LMTK2: variants seen among roughly 807,000 people sequenced by gnomAD.
LMTK2 encodes the protein serine/threonine-protein kinase LMTK2.
Under a neutral mutation model 127.5 loss-of-function variants are expected in LMTK2, and 37 were observed. That is an observed-to-expected ratio of 0.29 (90% CI 0.22 to 0.38). The LOEUF (loss-of-function observed/expected upper bound fraction) is 0.38. LMTK2 is among the 10% of genes least tolerant of loss of function. The probability of loss-of-function intolerance (pLI) is 1.00; values close to 1 mark genes in which losing one functional copy is unlikely to be tolerated. For missense variants in LMTK2, 1,694 were observed against 1,920.3 expected, an observed-to-expected ratio of 0.88 and a Z score of 2.20; for synonymous variants, 819 against 810.1, an observed-to-expected ratio of 1.01 and a Z score of -0.19.
At chr7:98,154,026 G>T (rs1431006400) in intron 4 of LMTK2, among the ~76,000 whole-genome samples, 1 of 152,154 alleles carries the variant, frequency 6.6e-6, no homozygotes, top group Non-Finnish European at 1.5e-5. Flanking sequence ...TTTAAAAGAA[G>T]TATTTTTATT....
intron 5 of LMTK2, among the ~76,000 whole-genome samples, chr7:98,157,640 T>TAAAA (rs34715220): frequency 1.2e-4 from 14 of 114,374 alleles, no homozygotes; most frequent in African/African-American, 1.7e-4. Flanking sequence ...GCTCCCACAT[T>TAAAA]AAAAAAAAAA....
At chr7:98,149,576 A>C (rs934800307) in intron 3 of LMTK2, among the ~76,000 whole-genome samples, 14 of 152,234 alleles carry the variant, frequency 9.2e-5, no homozygotes, top group Non-Finnish European at 1.8e-4. Context: ...ATTGGCAAAC[A>C]AATGAACTTT....
rs759325634 is a variant in LMTK2, at chr7:98,192,945, G to A, written c.2480G>A (p.Arg827His). The A allele has an allele frequency of 7.1e-5, 114 of 1,614,054 alleles. No homozygotes were observed. Among genetic ancestry groups the A allele is most frequent in the Admixed American group, 1.2e-4 (7 of 60,022 alleles). ...TCCTTCGAAACAGAAGAAACGCCCC[G>A]TCGGGTACCCCCAGACTCACTCCCA... ...PTSFETEETP[R>H]RVPPDSLPTQ... is the part of the protein sequence containing the mutation. Residue 827 changes from arginine (R) to histidine (H), a missense_variant, in exon 11 of 14, where the codon CGT (arginine) becomes CAT (histidine). Transcript: ENST00000297293.
At chr7:98,177,546 A>G (rs1797295274) in intron 7 of LMTK2, among the ~76,000 whole-genome samples, 1 of 152,082 alleles carries the variant, frequency 6.6e-6, no homozygotes, top group African/African-American at 2.4e-5. Flanking sequence ...CCCAGGCTTG[A>G]GTGAGTGCAG....
chr7:98,175,623 G>A (rs1196217320), intron 7 of LMTK2, among the ~76,000 whole-genome samples: 1 of 152,240 alleles, frequency 6.6e-6, no homozygotes, highest in African/African-American at 2.4e-5. Flanking sequence ...TATATGGTGG[G>A]TGTCCATGAA....
Position 98,192,076 on chromosome 7 carries a change from T to A in LMTK2, c.1611T>A (p.Val537=), listed in dbSNP as rs1236741700. The A allele has an allele frequency of 1.3e-6, 2 of 1,575,378 alleles. No homozygotes were observed. The change falls in exon 11 of 14, where the codon GTT becomes GTA. Residue 537 remains valine, a synonymous_variant. Coordinates refer to ENST00000297293, the MANE Select transcript of LMTK2 (RefSeq NM_014916.4). ...QDVPLRVPGV[V]PVFDAHNLSV... is the part of the protein sequence containing the mutation. ...TCCCCCTGAGGGTCCCTGGAGTGGT[T>A]CCTGTTTTTGATGCCCACAACCTTT...
intron 6 of LMTK2, among the ~76,000 whole-genome samples, chr7:98,163,896 C>T (rs926126257): frequency 1.3e-5 from 2 of 152,204 alleles, no homozygotes; most frequent in African/African-American, 4.8e-5. Flanking sequence ...GCTGTGGCCA[C>T]GGTGAAGGAC....
At chr7:98,164,215 G>A (rs1307117340) in intron 6 of LMTK2, among the ~76,000 whole-genome samples, 1 of 152,162 alleles carries the variant, frequency 6.6e-6, no homozygotes, top group African/African-American at 2.4e-5. Flanking sequence ...ATGACTGTAG[G>A]GTGTTTTATA....
chr7:98,190,988 C>G (rs934029559), intron 10 of LMTK2, 111 bp downstream of exon 10: 108 of 1,027,136 alleles, frequency 1.1e-4, no homozygotes, highest in Admixed American at 3.1e-4. Context: ...CCTCTTTCAC[C>G]ATGATGTCAC....
At position 98,194,243 on chromosome 7, in the gene LMTK2, G is replaced by A; in HGVS notation, c.3778G>A (p.Asp1260Asn). Residue 1260 changes from aspartate to asparagine, a missense_variant, in exon 11 of 14, where the codon GAC becomes AAC. Transcript: ENST00000297293. The surrounding 1 kb of genome is among the most constrained non-coding windows in gnomAD (Gnocchi z 5.4). The stretch of plus-strand genomic sequence containing the variant: ...CGAGGGCCCGAAGTTGAAGGAGCCG[G>A]ACATCGAAGGGAAGTACCTGGGGAA... ...HSEGPKLKEPDIEGKYLGKLG... is the reference protein window; with the variant it reads ...HSEGPKLKEPNIEGKYLGKLG... 1.2e-6 allele frequency: 2 copies of A among 1,614,162 alleles called. No homozygotes were observed. Among genetic ancestry groups the A allele is most frequent in the Non-Finnish European group, 1.7e-6 (2 of 1,180,034 alleles).
At chr7:98,143,380 A>G (rs1488782777) in intron 3 of LMTK2, among the ~76,000 whole-genome samples, 1 of 152,222 alleles carries the variant, frequency 6.6e-6, no homozygotes, top group Non-Finnish European at 1.5e-5. Context: ...AAAAGACACC[A>G]CACACAAATT....
rs935359078 is a variant in LMTK2 at position 98,171,466 on chromosome 7, C to T, written c.658-75C>T. 3.8e-6 allele frequency: 6 copies of T among 1,577,744 alleles called. No homozygotes were observed. The African/African-American group carries it at 6.7e-5, about 18-fold the overall frequency. ...ATAAATAATCTTAACAGTTAGTGTT[C>T]ACCGAGGCACGTATTTAAGCGCTCA... On this transcript the variant is annotated intron_variant, in intron 6 of 13. Transcript: ENST00000297293. The surrounding 1 kb of genome is among the most constrained non-coding windows in gnomAD (Gnocchi z 5.1).
At chr7:98,135,004 T>C (rs1796578587) in intron 1 of LMTK2, among the ~76,000 whole-genome samples, 1 of 152,230 alleles carries the variant, frequency 6.6e-6, no homozygotes, top group Non-Finnish European at 1.5e-5. Flanking sequence ...TTAACTGTAT[T>C]ATTCTTAAGC....
chr7:98,204,299 T>C (rs2116486505), intron 13 of LMTK2, 113 bp downstream of exon 13: 3 of 1,372,738 alleles, frequency 2.2e-6, no homozygotes, highest in Non-Finnish European at 2.0e-6. Flanking sequence ...TCACATTTGC[T>C]GAGTAGATTA....
At chr7:98,204,207 G>A in intron 13 of LMTK2, 21 bp downstream of exon 13, 1 of 1,568,994 alleles carries the variant, frequency 6.4e-7, no homozygotes, top group Non-Finnish European at 8.7e-7. Flanking sequence ...CTGCGTGCTG[G>A]GGATTGGGAG....
intron 1 of LMTK2, among the ~76,000 whole-genome samples, chr7:98,113,805 C>T (rs1259096092): frequency 6.6e-6 from 1 of 152,104 alleles, no homozygotes; most frequent in Non-Finnish European, 1.5e-5. Flanking sequence ...AGCATGTCTG[C>T]AGAGCAAAAT....
intron 9 of LMTK2, among the ~76,000 whole-genome samples, chr7:98,190,374 G>T (rs924485783): frequency 6.6e-6 from 1 of 152,224 alleles, no homozygotes; most frequent in African/African-American, 2.4e-5. Flanking sequence ...CTGAGGTCAG[G>T]ACTTTGAGAG....
In LMTK2 at chr7:98,207,274, A is replaced by C. The variant is rs1797820199; in HGVS notation, c.*1782A>C. 6.6e-6 allele frequency: 1 copy of C among 152,254 alleles called. No homozygotes were observed. The highest frequency in any genetic ancestry group is 2.1e-4 in the South Asian group (1 of 4,830). 9.4% of individuals were successfully genotyped at this position (152,254 alleles called of 1,614,324 possible). On this transcript the variant is annotated 3_prime_UTR_variant, in exon 14 of 14. Transcript: ENST00000297293. ...CCCGTGCAGGGGCCGCCTGGGGTACACGGAAGGAAGTTGAGTCCTAGTGCA... is the reference window on the plus strand; with the variant it reads ...CCCGTGCAGGGGCCGCCTGGGGTACCCGGAAGGAAGTTGAGTCCTAGTGCA...
At chr7:98,137,512 A>G (rs1796612397) in intron 2 of LMTK2, 70 bp downstream of exon 2, 1 of 1,460,916 alleles carries the variant, frequency 6.8e-7, no homozygotes, top group Non-Finnish European at 9.3e-7. Flanking sequence ...ACTGGATAGC[A>G]CAGTCCTTTG....
Sources: allele counts gnomAD v4.1 joint callset (sites outside exome capture counted in the v4.1 genomes callset), GRCh38; gene constraint gnomAD v4.1.1; non-coding constraint Gnocchi (gnomAD v3.1); transcripts MANE v1.5; gene names NCBI Gene and HGNC (gene_info 2026-07-23, HGNC 2026-07-21).